ATRX: variants seen among roughly 807,000 people sequenced by gnomAD.
ATRX encodes the protein ATRX chromatin remodeler.
A neutral mutation model predicts 172.6 loss-of-function variants in ATRX; 12 were observed. That is an observed-to-expected ratio of 0.07 (90% CI 0.04 to 0.11). ATRX has a LOEUF of 0.11. Among genes scored for constraint, ATRX ranks in the 10% least tolerant of loss-of-function variants. ATRX has a pLI of 1.00. For synonymous variants in ATRX, 674 were observed against 594.7 expected (o/e 1.13, Z -1.94); for missense variants, 1,368 against 1,767.4 (o/e 0.77, Z 4.05).
chrX:77,703,016 C>T (rs782202543), intron 2 of ATRX, among the ~76,000 whole-genome samples: 17 of 112,518 alleles, frequency 1.5e-4, no homozygotes, highest in Non-Finnish European at 2.6e-4. Context: ...CATAAGTCAC[C>T]GCACCTCGCC....
intron 15 of ATRX, among the ~76,000 whole-genome samples, chrX:77,650,564 G>A (rs1557116159): frequency 9.0e-6 from 1 of 111,195 alleles, no homozygotes; most frequent in Non-Finnish European, 1.9e-5. Context: ...GATGGCCCTT[G>A]TTAAGACCCT....
chrX:77,670,542 G>A (rs1557129199), intron 10 of ATRX, among the ~76,000 whole-genome samples: 1 of 111,181 alleles, frequency 9.0e-6, no homozygotes, highest in Non-Finnish European at 1.9e-5. Context: ...ATAACCTGAG[G>A]TCAGGAGTTT....
rs1475829161 is a variant in ATRX at position 77,507,317 on chromosome X, G to T, written c.*1034C>A. ...TTCAGAGGAATTATTTCACAATACTGATAGTACTGGGAATTGTTAAAAGTA... is the reference window on the plus strand; with the variant it reads ...TTCAGAGGAATTATTTCACAATACTTATAGTACTGGGAATTGTTAAAAGTA... On this transcript the variant is annotated 3_prime_UTR_variant, in exon 35 of 35. Transcript: ENST00000373344. 2 of 172,065 alleles carry T rather than the reference G, an allele frequency of 1.2e-5. No individual in the cohort carries two copies. Among genetic ancestry groups the T allele is most frequent in the African/African-American group, 5.9e-5 (2 of 33,856 alleles). 14.2% of individuals were successfully genotyped at this position (172,065 alleles called of 1,213,427 possible). A position where few individuals can be genotyped will look rare whatever the true frequency, so the allele number is the denominator to read the frequency against.
chrX:77,600,299 CAT>C (rs1197954007), intron 23 of ATRX, 133 bp downstream of exon 23: 38 of 750,755 alleles, frequency 5.1e-5, no homozygotes, highest in Non-Finnish European at 7.4e-5. Flanking sequence ...ACATGCAAGA[CAT>C]ATAGAAATTA....
At chrX:77,520,076 T>C (rs1401475728) in intron 34 of ATRX, among the ~76,000 whole-genome samples, 1 of 112,142 alleles carries the variant, frequency 8.9e-6, no homozygotes, top group African/African-American at 3.2e-5. Flanking sequence ...AGTTCATATG[T>C]TCTCACTTAT....
intron 25 of ATRX, chrX:77,596,232 C>A (rs982337541): frequency 2.7e-5 from 3 of 111,221 alleles, no homozygotes; most frequent in Non-Finnish European, 5.7e-5. Context: ...ATTGTTAACC[C>A]TTTAATACTT....
chrX:77,557,198 A>G (rs1184882144), intron 30 of ATRX, among the ~76,000 whole-genome samples: 1 of 112,131 alleles, frequency 8.9e-6, no homozygotes, highest in Non-Finnish European at 1.9e-5. Context: ...ATTAGAAAAT[A>G]TGCTAATTAG....
intron 3 of ATRX, among the ~76,000 whole-genome samples, chrX:77,698,116 T>C (rs2072287879): frequency 8.9e-6 from 1 of 111,772 alleles, no homozygotes; most frequent in Non-Finnish European, 1.9e-5. Flanking sequence ...GCCAGTATAA[T>C]CAATATATTT....
chrX:77,758,117 G>A (rs1211264940), intron 1 of ATRX, among the ~76,000 whole-genome samples: 6 of 111,357 alleles, frequency 5.4e-5, no homozygotes, highest in African/African-American at 1.6e-4. Context: ...GGCTGGGCAC[G>A]GTGGCTCACG....
chrX:77,609,448 A>C (rs2067061259), intron 22 of ATRX, among the ~76,000 whole-genome samples: 1 of 112,048 alleles, frequency 8.9e-6, no homozygotes, highest in Non-Finnish European at 1.9e-5. Context: ...AAACAGCACG[A>C]AAGACAAATT....
intron 1 of ATRX, among the ~76,000 whole-genome samples, chrX:77,731,627 C>T (rs189581308): frequency 4.5e-5 from 5 of 111,440 alleles, no homozygotes; most frequent in Admixed American, 3.9e-4. Flanking sequence ...CAGCCTGCCC[C>T]GCCCCCATCC....
At chrX:77,757,723 G>T (rs1485156594) in intron 1 of ATRX, among the ~76,000 whole-genome samples, 3 of 106,750 alleles carry the variant, frequency 2.8e-5, no homozygotes, top group African/African-American at 1.0e-4. Flanking sequence ...CCAGGCTGGA[G>T]TGCAGTGGCA....
intron 22 of ATRX, among the ~76,000 whole-genome samples, chrX:77,603,274 T>C (rs1454808493): frequency 8.9e-6 from 1 of 111,803 alleles, no homozygotes; most frequent in Non-Finnish European, 1.9e-5. Context: ...GATTGTTTTT[T>C]CTAATTCTAT....
intron 1 of ATRX, among the ~76,000 whole-genome samples, chrX:77,747,025 T>C (rs1285769174): frequency 9.1e-6 from 1 of 109,884 alleles, no homozygotes; most frequent in Admixed American, 9.8e-5. Context: ...GGTCTCGATC[T>C]CCTAACCTCG....
At chrX:77,762,858 G>A (rs781957031) in intron 1 of ATRX, among the ~76,000 whole-genome samples, 53 of 111,335 alleles carry the variant, frequency 4.8e-4, no homozygotes, top group Middle Eastern at 9.2e-3. Flanking sequence ...ACTTTAATGT[G>A]AGGATAATAG....
Position 77,618,661 on chromosome X carries a change from A to G in ATRX, c.5448+145T>C, listed in dbSNP as rs782550456. ...GAATGCAGCAGAAATTTTTTAAGAC[A>G]ACGCAAGGAGATATAACTGTAAAAC... On this transcript the variant is annotated intron_variant, in intron 21 of 34. Transcript: ENST00000373344. 1.3e-5 allele frequency: 7 copies of G among 550,719 alleles called. No homozygotes were observed. The Admixed American group carries it at 2.4e-4, about 19-fold the overall frequency. The allele number at this position is 550,719 out of a possible 1,213,427, so 45.4% of individuals were successfully genotyped here.
intron 28 of ATRX, among the ~76,000 whole-genome samples, chrX:77,566,622 G>A (rs2065207786): frequency 9.0e-6 from 1 of 111,302 alleles, no homozygotes; most frequent in Admixed American, 9.5e-5. Flanking sequence ...GTGTGGTGGT[G>A]CCCACCTGTA....
intron 1 of ATRX, among the ~76,000 whole-genome samples, chrX:77,722,439 C>G (rs2073822225): frequency 9.0e-6 from 1 of 110,748 alleles, no homozygotes; most frequent in South Asian, 3.7e-4. Context: ...GTGATCTATC[C>G]ATCTGACAAA....
intron 31 of ATRX, among the ~76,000 whole-genome samples, chrX:77,522,970 T>C (rs1557042206): frequency 9.0e-6 from 1 of 111,517 alleles, no homozygotes; most frequent in East Asian, 2.8e-4. Context: ...AGGTTAGTGA[T>C]GCTAAATATA....
Sources: allele counts gnomAD v4.1 joint callset (sites outside exome capture counted in the v4.1 genomes callset), GRCh38; gene constraint gnomAD v4.1.1; transcripts MANE v1.5; gene names NCBI Gene and HGNC (gene_info 2026-07-23, HGNC 2026-07-21).